Variants in SNRK observed in about 807,000 individuals in gnomAD.
SNRK encodes the protein SNF-related serine/threonine-protein kinase.
SNRK carries 3 observed loss-of-function variants against 48.2 expected under a neutral mutation model. The ratio of observed to expected loss-of-function variants is 0.06; its 90% CI spans 0.03 to 0.16. SNRK has a LOEUF of 0.16. Among genes scored for constraint, SNRK ranks in the 10% least tolerant of loss-of-function variants. The probability of loss-of-function intolerance (pLI) is 1.00; values close to 1 mark genes in which losing one functional copy is unlikely to be tolerated. For missense variants in SNRK, 627 were observed against 976.0 expected (o/e 0.64, Z 4.76); for synonymous variants, 376 against 366.1 (o/e 1.03, Z -0.31).
chr3:43,331,884 G>C (rs1181840976), intron 3 of SNRK, among the ~76,000 whole-genome samples: 3 of 152,104 alleles, frequency 2.0e-5, no homozygotes, highest in Non-Finnish European at 2.9e-5. Context: ...TTGGGCACCT[G>C]GATACTTTTC....
intron 1 of SNRK, among the ~76,000 whole-genome samples, chr3:43,292,637 T>G (rs1393527344): frequency 6.6e-6 from 1 of 152,212 alleles, no homozygotes; most frequent in Non-Finnish European, 1.5e-5. Flanking sequence ...TAAACTGGTG[T>G]TCTTTCCTAA....
In SNRK at chr3:43,347,924, T is replaced by A; in HGVS notation, c.1665T>A (p.Asp555Glu). The change falls in exon 7 of 7, where the codon GAT becomes GAA. Residue 555 changes from aspartate (D) to glutamate (E), a missense_variant. By Grantham distance (45) the Asp-to-Glu change is conservative. Coordinates refer to ENST00000296088, the MANE Select transcript of SNRK (RefSeq NM_017719.5). The surrounding 1 kb of genome is among the most constrained non-coding windows in gnomAD (Gnocchi z 5.4). ...DDDSESRRRL[D>E]KDSGFTYSWH... ...ATTCTGAAAGCCGGCGGCGGCTCGA[T>A]AAAGATAGCGGGTTCACCTACTCCT... 1 of 1,614,106 alleles carries A rather than the reference T, an allele frequency of 6.2e-7. No individual in the cohort carries two copies. Among genetic ancestry groups the A allele is most frequent in the Non-Finnish European group, 8.5e-7 (1 of 1,180,020 alleles).
rs149558873 is a variant in SNRK at position 43,335,167 on chromosome 3, T to C, written c.731+2857T>C. 2.9e-3 allele frequency among the ~76,000 whole-genome samples: 443 copies of C among 152,320 alleles called. 1 individual carries two copies. The highest frequency in any genetic ancestry group is 0.01 in the African/African-American group (427 of 41,576). ...GCTAATTCTGTTCTTCCTCTTTCTGTTGTTGGATACTTAGCTCACAAATTT... is the reference window on the plus strand; with the variant it reads ...GCTAATTCTGTTCTTCCTCTTTCTGCTGTTGGATACTTAGCTCACAAATTT... On this transcript the variant is annotated intron_variant, in intron 4 of 6. Coordinates refer to ENST00000296088, the MANE Select transcript of SNRK (RefSeq NM_017719.5).
At chr3:43,322,285 A>C (rs1482894252) in intron 3 of SNRK, among the ~76,000 whole-genome samples, 2 of 152,260 alleles carry the variant, frequency 1.3e-5, no homozygotes, top group Non-Finnish European at 2.9e-5. Flanking sequence ...TTTCAAAATA[A>C]ATTCCAGGTG....
At chr3:43,315,379 T>C (rs1368994951) in intron 3 of SNRK, 1 of 152,252 alleles carries the variant, frequency 6.6e-6, no homozygotes, top group Non-Finnish European at 1.5e-5. Context: ...TTTGAATGTG[T>C]AGTTTCATGT....
chr3:43,304,914 A>G (rs984347), intron 3 of SNRK, among the ~76,000 whole-genome samples: 3,572 of 152,170 alleles, frequency 0.023, 146 homozygotes, highest in African/African-American at 0.081. Flanking sequence ...GAAGTCTTTC[A>G]TTAGAATATC....
At chr3:43,341,537 C>G (rs1305971919) in intron 5 of SNRK, among the ~76,000 whole-genome samples, 1 of 152,160 alleles carries the variant, frequency 6.6e-6, no homozygotes. Context: ...TGATTAATTT[C>G]TATAAGAGGT....
intron 3 of SNRK, among the ~76,000 whole-genome samples, chr3:43,324,621 A>G (rs1456508617): frequency 1.3e-5 from 2 of 152,164 alleles, no homozygotes; most frequent in African/African-American, 4.8e-5. Flanking sequence ...GTTATATTTG[A>G]GAGAACTTTT....
chr3:43,341,125 TAAAAC>T, intron 5 of SNRK, among the ~76,000 whole-genome samples: 1 of 152,232 alleles, frequency 6.6e-6, no homozygotes, highest in South Asian at 2.1e-4. Flanking sequence ...TTACATCCTT[TAAAAC>T]CAAAGCCAGT....
At chr3:43,324,981 G>C (rs1263857313) in intron 3 of SNRK, among the ~76,000 whole-genome samples, 1 of 152,142 alleles carries the variant, frequency 6.6e-6, no homozygotes, top group Admixed American at 6.5e-5. Context: ...TACCTTGCTT[G>C]ATTTTTATCC....
chr3:43,328,785 G>A (rs1177373471), intron 3 of SNRK, among the ~76,000 whole-genome samples: 1 of 152,028 alleles, frequency 6.6e-6, no homozygotes, highest in Non-Finnish European at 1.5e-5. Flanking sequence ...CTTACCTACT[G>A]TCTGTTTCCC....
intron 3 of SNRK, among the ~76,000 whole-genome samples, chr3:43,328,783 C>G (rs1252201918): frequency 6.6e-6 from 1 of 152,112 alleles, no homozygotes; most frequent in Non-Finnish European, 1.5e-5. Context: ...AACTTACCTA[C>G]TGTCTGTTTC....
intron 1 of SNRK, among the ~76,000 whole-genome samples, chr3:43,297,660 A>T (rs2090867074): frequency 6.6e-6 from 1 of 151,768 alleles, no homozygotes; most frequent in East Asian, 1.9e-4. Context: ...TTTTTCTTTC[A>T]TAATTGTTTT....
intron 4 of SNRK, among the ~76,000 whole-genome samples, chr3:43,335,663 ATTCTTCC>A (rs1405290522): frequency 6.6e-6 from 1 of 152,092 alleles, no homozygotes; most frequent in African/African-American, 2.4e-5. Context: ...TTACTGAGGT[ATTCTTCC>A]ACTGTGATGG....
intron 5 of SNRK, among the ~76,000 whole-genome samples, chr3:43,342,742 C>T (rs750842251): frequency 3.3e-5 from 5 of 152,230 alleles, no homozygotes; most frequent in African/African-American, 7.2e-5. Flanking sequence ...CGTGTCTAGC[C>T]AGACTAGGTA....
intron 4 of SNRK, among the ~76,000 whole-genome samples, chr3:43,335,892 A>G (rs1474425590): frequency 6.6e-6 from 1 of 152,018 alleles, no homozygotes; most frequent in Non-Finnish European, 1.5e-5. Context: ...GTTGGCTACC[A>G]TTTGTGTGCT....
At chr3:43,323,739 G>A (rs1049800686) in intron 3 of SNRK, among the ~76,000 whole-genome samples, 1 of 152,064 alleles carries the variant, frequency 6.6e-6, no homozygotes, top group African/African-American at 2.4e-5. Flanking sequence ...ATACTACTCA[G>A]CCATGAAAAA....
rs71083066 is a variant in SNRK at position 43,339,818 on chromosome 3, AATATATATATATATATATATAT to A, written c.732-434_732-413del. Among the ~76,000 whole-genome samples the A allele has an allele frequency of 9.3e-3, 618 of 66,732 alleles. 13 individuals are homozygous for A. The highest frequency in any genetic ancestry group is 0.023 in the East Asian group (30 of 1,316). The allele number at this position is 66,732 out of a possible 152,430, so 43.8% of individuals were successfully genotyped here. A position where few individuals can be genotyped will look rare whatever the true frequency, so the allele number is the denominator to read the frequency against. ...CAATGGAGTGGGACTCCATTTCCAAAATATATATATATATATATATATATATATATATATATATATATATATA... is the reference window on the plus strand; with the variant it reads ...CAATGGAGTGGGACTCCATTTCCAAAATATATATATATATATATATATATA... On this transcript the variant is annotated intron_variant, in intron 4 of 6. Coordinates refer to ENST00000296088, the MANE Select transcript of SNRK (RefSeq NM_017719.5).
chr3:43,333,358 C>CAAAAAAAA (rs33994267), intron 4 of SNRK: 3 of 62,294 alleles, frequency 4.8e-5, no homozygotes, highest in African/African-American at 1.4e-4. Flanking sequence ...GACTCTGTCT[C>CAAAAAAAA]AAAAAAAAAA....
Sources: allele counts gnomAD v4.1 joint callset (sites outside exome capture counted in the v4.1 genomes callset), GRCh38; gene constraint gnomAD v4.1.1; non-coding constraint Gnocchi (gnomAD v3.1); transcripts MANE v1.5; gene names NCBI Gene and HGNC (gene_info 2026-07-23, HGNC 2026-07-21).